The following CYFIP2 variants were observed in gnomAD, a reference collection of about 807,000 sequenced individuals.
CYFIP2 encodes cytoplasmic FMR1 interacting protein 2.
CYFIP2 carries 29 observed loss-of-function variants against 158.7 expected under a neutral mutation model. That is an observed-to-expected ratio of 0.18 (90% CI 0.14 to 0.25). The LOEUF (loss-of-function observed/expected upper bound fraction) is 0.25. CYFIP2 is among the 10% of genes least tolerant of loss of function. The pLI, the probability that CYFIP2 is intolerant of heterozygous loss-of-function variation, is 1.00. For synonymous variants in CYFIP2, 585 were observed against 617.6 expected, an observed-to-expected ratio of 0.95 and a Z score of 0.78; for missense variants, 852 against 1,639.5, an observed-to-expected ratio of 0.52 and a Z score of 8.29.
chr5:157,368,907 T>G lies in CYFIP2; in HGVS notation c.3039+7309T>G, dbSNP rs574362798. Among the ~76,000 whole-genome samples, 991 of 151,296 alleles carry G rather than the reference T, an allele frequency of 6.6e-3. 16 individuals carry two copies. The highest frequency in any genetic ancestry group is 0.023 in the African/African-American group (932 of 41,172). On this transcript the variant is annotated intron_variant, in intron 26 of 30. Coordinates refer to ENST00000620254, the MANE Select transcript of CYFIP2 (RefSeq NM_001037333.3). ...CAGAGGTTTTTTGTTTTTTTGTTTT[T>G]TTTTTTTTTGAGACAGAGTCTCACT...
At chr5:157,373,727 GTTC>G (rs1216697006) in intron 26 of CYFIP2, among the ~76,000 whole-genome samples, 2 of 152,144 alleles carry the variant, frequency 1.3e-5, no homozygotes, top group African/African-American at 4.8e-5. Context: ...GGTATAATCT[GTTC>G]TTATTTTAAA....
intron 26 of CYFIP2, chr5:157,380,255 A>G (rs1257651894): frequency 2.0e-5 from 3 of 152,244 alleles, no homozygotes; most frequent in Non-Finnish European, 4.4e-5. Context: ...CGTGACCCCT[A>G]AACTGTAATT....
chr5:157,376,703 C>CA (rs1465741464), intron 26 of CYFIP2: 5 of 255,728 alleles, frequency 2.0e-5, no homozygotes, highest in Admixed American at 4.7e-5. Context: ...GTCAGAGGAA[C>CA]TGAAGTCTCC....
Position 157,322,770 on chromosome 5 carries a change from G to A in CYFIP2, c.1672-1151G>A, listed in dbSNP as rs1374942351. ...CTCCAGAGGCAGCGAAGACGAACGC[G>A]GTTGCTGGGAGGTTGGAGTGTCTCA... On this transcript the variant is annotated intron_variant, in intron 15 of 30. Transcript: ENST00000620254. Among the ~76,000 whole-genome samples, 4 of 152,370 alleles carry A rather than the reference G, an allele frequency of 2.6e-5. 1 individual carries two copies. Among genetic ancestry groups the A allele is most frequent in the Admixed American group, 2.0e-4 (3 of 15,308 alleles).
Position 157,320,642 on chromosome 5 carries a change from C to A in CYFIP2, c.1524-13C>A, listed in dbSNP as rs375639140. On this transcript the variant is annotated splice_polypyrimidine_tract_variant and intron_variant, in intron 14 of 30. Transcript: ENST00000620254. ...GTGAAACCTGGTCTAAGTCTTAGTTCTTCCTTCCCCAGCGTCCTACAGGCA... is the reference window on the plus strand; with the variant it reads ...GTGAAACCTGGTCTAAGTCTTAGTTATTCCTTCCCCAGCGTCCTACAGGCA... The A allele has an allele frequency of 9.9e-6, 16 of 1,613,704 alleles. No homozygotes were observed. The highest frequency in any genetic ancestry group is 1.4e-5 in the Non-Finnish European group (16 of 1,179,806).
At chr5:157,300,663 TG>T in intron 5 of CYFIP2, 51 bp from the exon 6 acceptor site, 1 of 1,383,168 alleles carries the variant, frequency 7.2e-7, no homozygotes, top group Non-Finnish European at 9.4e-7. Flanking sequence ...GCCTGGACCC[TG>T]CCCCCATAAG....
rs1270010203 is a variant in CYFIP2 at position 157,361,295 on chromosome 5, C to T, written c.2909-173C>T. 2.9e-6 allele frequency: 2 copies of T among 701,752 alleles called. No individual in the cohort carries two copies. Among genetic ancestry groups the T allele is most frequent in the Non-Finnish European group, 4.7e-6 (2 of 429,936 alleles). 43.5% of individuals were successfully genotyped at this position (701,752 alleles called of 1,614,324 possible). On this transcript the variant is annotated intron_variant, in intron 25 of 30. Coordinates refer to ENST00000620254, the MANE Select transcript of CYFIP2 (RefSeq NM_001037333.3). This position sits in a 1 kb window ranked among gnomAD's most constrained non-coding sequence, Gnocchi z 4.4. ...CATGAGCCAGCTACTCGAACTTTGT[C>T]CAGTACTGAGCCCTGAAAGAAATCT...
At chr5:157,392,027 C>T (rs887267183) in intron 30 of CYFIP2, among the ~76,000 whole-genome samples, 2 of 152,122 alleles carry the variant, frequency 1.3e-5, no homozygotes, top group African/African-American at 2.4e-5. Context: ...CTGCTGAGTG[C>T]TATATTCATG....
intron 10 of CYFIP2, 74 bp downstream of exon 10, chr5:157,309,908 C>A (rs1012049714): frequency 3.7e-6 from 5 of 1,351,558 alleles, no homozygotes; most frequent in Non-Finnish European, 4.1e-6. Flanking sequence ...GGGGCCACTT[C>A]AGCCCCTCCT....
chr5:157,355,996 G>A (rs1386604473), intron 23 of CYFIP2, among the ~76,000 whole-genome samples: 1 of 152,212 alleles, frequency 6.6e-6, no homozygotes, highest in African/African-American at 2.4e-5. Context: ...ATTAAGCTAT[G>A]ACATAGCTCA....
chr5:157,387,477 A>T (rs900555428), intron 28 of CYFIP2, among the ~76,000 whole-genome samples: 1 of 152,194 alleles, frequency 6.6e-6, no homozygotes, highest in Non-Finnish European at 1.5e-5. Flanking sequence ...TGCACAGTAG[A>T]TTAATTAGTA....
chr5:157,314,436 C>G lies in CYFIP2; in HGVS notation c.1203C>G (p.Ser401=). Residue 401 remains serine, a synonymous_variant, in exon 12 of 31, where the codon TCC becomes TCG. Transcript: ENST00000620254. ...DLALRGLQLL[S]KWSAHVMEVY... ...CCCTGCGGGGTCTGCAGCTTCTATCCAAGTGGAGCGCCCACGTCATGGAGG... is the reference window on the plus strand; with the variant it reads ...CCCTGCGGGGTCTGCAGCTTCTATCGAAGTGGAGCGCCCACGTCATGGAGG... 6.2e-7 allele frequency: 1 copy of G among 1,613,816 alleles called. No individual in the cohort carries two copies. The highest frequency in any genetic ancestry group is 8.5e-7 in the Non-Finnish European group (1 of 1,179,826).
At chr5:157,275,260 G>T (rs1388743103) in intron 1 of CYFIP2, among the ~76,000 whole-genome samples, 1 of 152,066 alleles carries the variant, frequency 6.6e-6, no homozygotes, top group Non-Finnish European at 1.5e-5. Context: ...TCACAAAGAT[G>T]TACTCTTATG....
chr5:157,322,986 C>T (rs1227419366), intron 15 of CYFIP2: 3 of 1,536,050 alleles, frequency 2.0e-6, no homozygotes, highest in Non-Finnish European at 2.6e-6. Context: ...CCACTGGTGG[C>T]ACACAGGGCC....
intron 30 of CYFIP2, among the ~76,000 whole-genome samples, chr5:157,391,011 A>C: frequency 6.6e-6 from 1 of 152,146 alleles, no homozygotes; most frequent in South Asian, 2.1e-4. Flanking sequence ...TGGGATAGGT[A>C]CTGGCGTGGG....
intron 17 of CYFIP2, chr5:157,325,914 C>T: frequency 3.7e-6 from 2 of 540,778 alleles, no homozygotes; most frequent in East Asian, 6.0e-5. Context: ...AGCTTGTATT[C>T]TTAACTGCTA....
At chr5:157,321,474 C>A (rs1403410521) in intron 15 of CYFIP2, among the ~76,000 whole-genome samples, 2 of 152,158 alleles carry the variant, frequency 1.3e-5, no homozygotes, top group Non-Finnish European at 1.5e-5. Context: ...CGTGGCTTAT[C>A]CAGAGCAGTC....
intron 1 of CYFIP2, among the ~76,000 whole-genome samples, chr5:157,268,935 G>A (rs116079084): frequency 1.3e-5 from 2 of 152,220 alleles, no homozygotes; most frequent in East Asian, 1.9e-4. Flanking sequence ...ATCTTTGGAT[G>A]CTCTTACTAC....
At position 157,314,381 on chromosome 5, in the gene CYFIP2, A is replaced by G. The variant is rs760152670; in HGVS notation, c.1148A>G (p.Asp383Gly). 6.2e-7 allele frequency: 1 copy of G among 1,613,928 alleles called. No homozygotes were observed. The highest frequency in any genetic ancestry group is 2.2e-5 in the East Asian group (1 of 44,880). ...TCAGGGCTGGACAGCCAGAAGTCAGACGAGGAGTATCGCGAGCTCTTCGAC... is the reference window on the plus strand; with the variant it reads ...TCAGGGCTGGACAGCCAGAAGTCAGGCGAGGAGTATCGCGAGCTCTTCGAC... ...TGSGLDSQKSDEEYRELFDLA... is the reference protein window; with the variant it reads ...TGSGLDSQKSGEEYRELFDLA... The change falls in exon 12 of 31, where the codon GAC (aspartate) becomes GGC (glycine). Residue 383 changes from aspartate to glycine, a missense_variant. Asp to Gly is a moderately conservative substitution (Grantham distance 94, BLOSUM62 -1). This residue lies in a region of CYFIP2 where 133 missense variants were observed against 197.1 expected (regional missense o/e 0.67). Coordinates refer to ENST00000620254, the MANE Select transcript of CYFIP2 (RefSeq NM_001037333.3).
Sources: gnomAD v4.1 joint callset for allele counts (sites outside exome capture counted in the v4.1 genomes callset) on GRCh38, gnomAD v4.1.1 for gene constraint, gnomAD v4.1.1 regional missense constraint, Gnocchi (gnomAD v3.1) non-coding constraint, MANE v1.5 for transcripts, NCBI Gene and HGNC (gene_info 2026-07-23, HGNC 2026-07-21) for gene names.